Variants in DEPTOR observed in about 807,000 individuals in gnomAD.
DEPTOR encodes the protein DEP domain-containing mTOR-interacting protein.
A neutral mutation model predicts 41.6 loss-of-function variants in DEPTOR; 41 were observed. That is an observed-to-expected ratio of 0.98 (90% confidence interval 0.77 to 1.28). The LOEUF (loss-of-function observed/expected upper bound fraction) is 1.28. Among genes scored for constraint, DEPTOR ranks in the 50% most tolerant of loss-of-function variants. DEPTOR has a pLI of 0.00. For synonymous variants in DEPTOR, 195 were observed against 192.3 expected (o/e 1.01, Z -0.12); for missense variants, 514 against 527.9 (o/e 0.97, Z 0.26).
At chr8:119,966,170 G>A (rs1258684641) in intron 4 of DEPTOR, among the ~76,000 whole-genome samples, 1 of 152,128 alleles carries the variant, frequency 6.6e-6, no homozygotes, top group Non-Finnish European at 1.5e-5. Context: ...TAGGTCATGA[G>A]ACTCCCATTC....
intron 3 of DEPTOR, among the ~76,000 whole-genome samples, chr8:119,949,829 G>A (rs772185709): frequency 2.6e-5 from 4 of 151,612 alleles, no homozygotes; most frequent in Non-Finnish European, 4.4e-5. Flanking sequence ...ACAGGTGCAC[G>A]CCACCATGCC....
chr8:120,002,647 G>A lies in DEPTOR; in HGVS notation c.791-330G>A, dbSNP rs937489112. 4.9e-4 allele frequency among the ~76,000 whole-genome samples: 74 copies of A among 149,746 alleles called. 1 individual carries two copies. The highest frequency in any genetic ancestry group is 3.5e-3 in the Middle Eastern group (1 of 288). ...ACAAAATTTAGCCGGGCGTGGTGGCGGACACCTATGGTCCCAGCTACTCAG... is the reference window on the plus strand; with the variant it reads ...ACAAAATTTAGCCGGGCGTGGTGGCAGACACCTATGGTCCCAGCTACTCAG... On this transcript the variant is annotated intron_variant, in intron 5 of 8. Coordinates refer to ENST00000286234, the MANE Select transcript of DEPTOR (RefSeq NM_022783.4).
At chr8:119,887,770 G>A (rs1460435482) in intron 1 of DEPTOR, among the ~76,000 whole-genome samples, 1 of 151,546 alleles carries the variant, frequency 6.6e-6, no homozygotes, top group African/African-American at 2.4e-5. Context: ...CTCCCCAAGT[G>A]CTAGGATTAC....
intron 1 of DEPTOR, among the ~76,000 whole-genome samples, chr8:119,907,308 A>G (rs1206953624): frequency 6.6e-6 from 1 of 152,224 alleles, no homozygotes; most frequent in African/African-American, 2.4e-5. Context: ...AGATTTCTTC[A>G]CAAAATTTCA....
chr8:119,962,828 G>A (rs1379196615), intron 3 of DEPTOR, among the ~76,000 whole-genome samples: 1 of 152,186 alleles, frequency 6.6e-6, no homozygotes, highest in Non-Finnish European at 1.5e-5. Context: ...AGATGGGAAG[G>A]CTTAGACATA....
chr8:120,035,154 C>CA (rs1391077791), intron 8 of DEPTOR, among the ~76,000 whole-genome samples: 1 of 151,848 alleles, frequency 6.6e-6, no homozygotes, highest in Non-Finnish European at 1.5e-5. Context: ...CCTGTCTCTA[C>CA]AAAAAATACA....
chr8:120,047,092 C>T (rs1284564947), intron 8 of DEPTOR, among the ~76,000 whole-genome samples: 7 of 152,114 alleles, frequency 4.6e-5, no homozygotes, highest in African/African-American at 2.4e-5. Context: ...GGCAGAATCT[C>T]GGCCCACTGC....
At chr8:119,926,840 A>C (rs1310991853) in intron 1 of DEPTOR, among the ~76,000 whole-genome samples, 1 of 152,198 alleles carries the variant, frequency 6.6e-6, no homozygotes, top group Non-Finnish European at 1.5e-5. Flanking sequence ...AGAACATTGT[A>C]CAGTAAATAA....
At chr8:120,024,620 T>C (rs1046102622) in intron 8 of DEPTOR, among the ~76,000 whole-genome samples, 13 of 152,088 alleles carry the variant, frequency 8.5e-5, no homozygotes, top group Non-Finnish European at 2.9e-5. Flanking sequence ...GAATTGTCCA[T>C]GTGACTGGAG....
In DEPTOR at chr8:120,042,226, G is replaced by A. The variant is rs1032278550; in HGVS notation, c.1102-7350G>A. 7.2e-5 allele frequency among the ~76,000 whole-genome samples: 11 copies of A among 152,208 alleles called. No individual in the cohort carries two copies. The East Asian group carries it at 7.7e-4, about 11-fold the overall frequency. ...CCGCCCGCCATTCAGAGGTAGTCAC[G>A]CGTTCTGTGTGTTTGTGCCTGTGTG... On this transcript the variant is annotated intron_variant, in intron 8 of 8. Transcript: ENST00000286234.
intron 6 of DEPTOR, among the ~76,000 whole-genome samples, chr8:120,003,620 G>A (rs969236923): frequency 7.0e-6 from 1 of 142,620 alleles, no homozygotes; most frequent in Non-Finnish European, 1.5e-5. Flanking sequence ...GAATGCAGCC[G>A]ATGCATAAGA....
chr8:119,934,245 A>C (rs1169465408), intron 3 of DEPTOR, among the ~76,000 whole-genome samples: 1 of 152,212 alleles, frequency 6.6e-6, no homozygotes, highest in Non-Finnish European at 1.5e-5. Flanking sequence ...GGATAAACCC[A>C]GGTCTCAAAA....
rs375043023 is a variant in DEPTOR, at chr8:120,024,437, A to C, written c.1101+15304A>C. 4.7e-4 allele frequency among the ~76,000 whole-genome samples: 72 copies of C among 152,296 alleles called. No individual in the cohort carries two copies. The East Asian group carries it at 5.2e-3, about 11-fold the overall frequency. ...AAGATATGTTGAAGTCCTAACCCCG[A>C]GTACCTCAAAATCTGACTCTCTTTG... On this transcript the variant is annotated intron_variant, in intron 8 of 8. Transcript: ENST00000286234.
chr8:120,025,881 C>A (rs537761762), intron 8 of DEPTOR, among the ~76,000 whole-genome samples: 3 of 151,958 alleles, frequency 2.0e-5, no homozygotes, highest in Admixed American at 2.0e-4. Flanking sequence ...TGCATCCTTA[C>A]CTTGGCCCAA....
At chr8:119,903,165 C>G (rs1827617377) in intron 1 of DEPTOR, among the ~76,000 whole-genome samples, 1 of 152,162 alleles carries the variant, frequency 6.6e-6, no homozygotes, top group Non-Finnish European at 1.5e-5. Flanking sequence ...ATGGTGCGAT[C>G]TCAGCTCACT....
Position 119,873,810 on chromosome 8 carries a change from A to C in DEPTOR, c.-37A>C. The C allele has an allele frequency of 6.2e-7, 1 of 1,606,220 alleles. No individual in the cohort carries two copies. The highest frequency in any genetic ancestry group is 1.7e-5 in the Admixed American group (1 of 59,246). ...ATCCGAGCACCCAAACCCTCGGCGG[A>C]CAGCGGAGCCAGTGGTAGCCGCACG... On this transcript the variant is annotated 5_prime_UTR_variant, in exon 1 of 9. Coordinates refer to ENST00000286234, the MANE Select transcript of DEPTOR (RefSeq NM_022783.4).
At chr8:120,043,082 T>C (rs1294586023) in intron 8 of DEPTOR, among the ~76,000 whole-genome samples, 5 of 151,638 alleles carry the variant, frequency 3.3e-5, no homozygotes, top group African/African-American at 1.2e-4. Flanking sequence ...AACTCTTCTT[T>C]TTTTTTAAAA....
chr8:120,049,376 C>T (rs1375752083), intron 8 of DEPTOR, among the ~76,000 whole-genome samples, 200 bp from the exon 9 acceptor site: 1 of 146,218 alleles, frequency 6.8e-6, no homozygotes, highest in East Asian at 1.9e-4. Context: ...AACACTAAAA[C>T]GATTTTTTTT....
At chr8:120,042,886 G>A (rs1335078020) in intron 8 of DEPTOR, among the ~76,000 whole-genome samples, 2 of 151,388 alleles carry the variant, frequency 1.3e-5, no homozygotes, top group East Asian at 1.9e-4. Context: ...GTGTCACTCT[G>A]TTGCTCAGGC....
Sources: gnomAD v4.1 joint callset for allele counts (sites outside exome capture counted in the v4.1 genomes callset) on GRCh38, gnomAD v4.1.1 for gene constraint, MANE v1.5 for transcripts, NCBI Gene and HGNC (gene_info 2026-07-23, HGNC 2026-07-21) for gene names.